The following CTNNA3 variants were observed in gnomAD, a reference collection of about 807,000 sequenced individuals.
The protein encoded by CTNNA3 is catenin alpha 3.
CTNNA3 carries 76 observed loss-of-function variants against 95.7 expected under a neutral mutation model. The observed-to-expected ratio is 0.79, with a 90% confidence interval of 0.66 to 0.96. CTNNA3 has a LOEUF of 0.96. CTNNA3 is among the 40% of genes least tolerant of loss of function. CTNNA3 has a pLI of 0.00. For missense variants in CTNNA3, 1,191 were observed against 1,089.8 expected (o/e 1.09, Z -1.31); for synonymous variants, 431 against 374.4 (o/e 1.15, Z -1.74).
intron 9 of CTNNA3, among the ~76,000 whole-genome samples, chr10:66,751,191 C>T (rs1839123450): frequency 6.6e-6 from 1 of 152,030 alleles, no homozygotes; most frequent in Non-Finnish European, 1.5e-5. Context: ...TCGCTTGAAC[C>T]CGGGAGGCAG....
chr10:66,456,484 C>A (rs1372493806), intron 11 of CTNNA3, among the ~76,000 whole-genome samples: 1 of 152,054 alleles, frequency 6.6e-6, no homozygotes, highest in African/African-American at 2.4e-5. Context: ...AGTTTGAGAC[C>A]AGCCTGGCCA....
At chr10:66,657,709 C>T (rs2394274) in intron 9 of CTNNA3, among the ~76,000 whole-genome samples, 100,314 of 152,048 alleles carry the variant, frequency 0.66, 33,987 homozygotes, top group East Asian at 0.95. Context: ...AATAGATTTC[C>T]ACCCATTTTT....
At chr10:66,164,004 A>G (rs955231151) in intron 13 of CTNNA3, among the ~76,000 whole-genome samples, 14 of 152,204 alleles carry the variant, frequency 9.2e-5, no homozygotes, top group Admixed American at 2.0e-4. Flanking sequence ...TAAAAGCAAC[A>G]TGGGAGAAAG....
At chr10:66,262,522 A>G (rs1181347305) in intron 13 of CTNNA3, among the ~76,000 whole-genome samples, 1 of 152,030 alleles carries the variant, frequency 6.6e-6, no homozygotes, top group Non-Finnish European at 1.5e-5. Context: ...AACTTAATGT[A>G]TGACTTATTG....
At chr10:66,887,724 T>A (rs1845098246) in intron 7 of CTNNA3, among the ~76,000 whole-genome samples, 1 of 152,164 alleles carries the variant, frequency 6.6e-6, no homozygotes, top group South Asian at 2.1e-4. Context: ...ATGGGTTTAA[T>A]CTGACTTACT....
intron 3 of CTNNA3, among the ~76,000 whole-genome samples, chr10:67,586,992 A>T (rs1842647406): frequency 6.6e-6 from 1 of 151,946 alleles, no homozygotes; most frequent in East Asian, 1.9e-4. Context: ...AATGTTTTTC[A>T]TGATGGTAAA....
intron 9 of CTNNA3, among the ~76,000 whole-genome samples, chr10:66,685,291 A>ATACG (rs1847232383): frequency 4.2e-5 from 3 of 70,620 alleles, no homozygotes; most frequent in African/African-American, 2.4e-4. Flanking sequence ...ATAAGTATAT[A>ATACG]TATGTGTGTA....
At chr10:66,911,233 A>G (rs1228626383) in intron 7 of CTNNA3, among the ~76,000 whole-genome samples, 1 of 152,234 alleles carries the variant, frequency 6.6e-6, no homozygotes, top group African/African-American at 2.4e-5. Context: ...GGAGGAACTT[A>G]AAAGAATTGT....
chr10:66,597,520 A>ATATATATATATC (rs1843754113), intron 10 of CTNNA3, among the ~76,000 whole-genome samples: 1 of 82,330 alleles, frequency 1.2e-5, no homozygotes, highest in African/African-American at 5.0e-5. Context: ...ACATATATAT[A>ATATATATATATC]TATATATATA....
At chr10:66,404,405 A>G (rs1349905062) in intron 11 of CTNNA3, among the ~76,000 whole-genome samples, 2 of 152,162 alleles carry the variant, frequency 1.3e-5, no homozygotes, top group Non-Finnish European at 2.9e-5. Flanking sequence ...TTGTTTGTGC[A>G]GCAGACAGAA....
At chr10:67,148,502 G>A (rs1417320828) in intron 7 of CTNNA3, among the ~76,000 whole-genome samples, 1 of 152,166 alleles carries the variant, frequency 6.6e-6, no homozygotes, top group Non-Finnish European at 1.5e-5. Context: ...GGTTAGGATG[G>A]AATGACTTTG....
intron 7 of CTNNA3, among the ~76,000 whole-genome samples, chr10:66,922,399 A>G (rs1307904950): frequency 6.6e-6 from 1 of 152,248 alleles, no homozygotes; most frequent in Non-Finnish European, 1.5e-5. Flanking sequence ...ATCTTTTAGA[A>G]CACAGTCTTT....
chr10:67,312,553 CATAA>C lies in CTNNA3; in HGVS notation c.580-92687_580-92684del, dbSNP rs1380288455. On this transcript the variant is annotated intron_variant, in intron 5 of 17. Transcript: ENST00000433211. ...AAATAGTTCAGTGCATCAAGGGAAT[CATAA>C]ATAGTCAATCTCGCTGGAAATAATA... is the stretch of plus-strand genomic sequence containing the variant. Among the ~76,000 whole-genome samples the C allele has an allele frequency of 5.3e-5, 8 of 152,234 alleles. No homozygotes were observed. In the East Asian group the frequency reaches 1.5e-3, roughly 29 times the overall value.
chr10:66,257,459 C>T (rs2090833354), intron 13 of CTNNA3, among the ~76,000 whole-genome samples: 1 of 152,166 alleles, frequency 6.6e-6, no homozygotes, highest in South Asian at 2.1e-4. Flanking sequence ...TGACTTAACA[C>T]AAAATTACAT....
At chr10:67,293,165 A>T (rs1268470239) in intron 5 of CTNNA3, among the ~76,000 whole-genome samples, 1 of 152,172 alleles carries the variant, frequency 6.6e-6, no homozygotes, top group Non-Finnish European at 1.5e-5. Context: ...AGCTTGATCA[A>T]GTAGACTTTC....
At position 67,403,024 on chromosome 10, in the gene CTNNA3, G is replaced by A. The variant is rs545479481; in HGVS notation, c.579+118818C>T. 9.1e-4 allele frequency among the ~76,000 whole-genome samples: 139 copies of A among 152,306 alleles called. 1 individual carries two copies. The highest frequency in any genetic ancestry group is 3.1e-3 in the African/African-American group (128 of 41,578). On this transcript the variant is annotated intron_variant, in intron 5 of 17. Transcript: ENST00000433211. Reference sequence around the variant, plus strand: ...AGCCAGCCACCAGCAACAGGGTAGTGCCTGCCTGAGATGGAATGGAGCTGC... The same window carrying A: ...AGCCAGCCACCAGCAACAGGGTAGTACCTGCCTGAGATGGAATGGAGCTGC...
intron 10 of CTNNA3, among the ~76,000 whole-genome samples, chr10:66,559,537 A>T (rs550315747): frequency 6.6e-6 from 1 of 151,320 alleles, no homozygotes; most frequent in East Asian, 1.9e-4. Context: ...ACACAGGAAC[A>T]CCCCCCACAC....
chr10:66,229,143 T>C lies in CTNNA3; in HGVS notation c.1884+51327A>G, dbSNP rs1248016388. Among the ~76,000 whole-genome samples the C allele has an allele frequency of 2.0e-5, 3 of 152,194 alleles. No individual in the cohort carries two copies. The East Asian group carries it at 5.8e-4, about 29-fold the overall frequency. On this transcript the variant is annotated intron_variant, in intron 13 of 17. Transcript: ENST00000433211. ...TTTAAACCATTTACCAAAGATTTTATTGAATGTTGAGAATTTACTCCTGTT... is the reference window on the plus strand; with the variant it reads ...TTTAAACCATTTACCAAAGATTTTACTGAATGTTGAGAATTTACTCCTGTT...
At chr10:66,992,428 C>T (rs1389769925) in intron 7 of CTNNA3, among the ~76,000 whole-genome samples, 1 of 151,932 alleles carries the variant, frequency 6.6e-6, no homozygotes, top group African/African-American at 2.4e-5. Flanking sequence ...CCTCTTTCTC[C>T]TTCTTCTTGT....
Sources: gnomAD v4.1 joint callset for allele counts (sites outside exome capture counted in the v4.1 genomes callset) on GRCh38, gnomAD v4.1.1 for gene constraint, MANE v1.5 for transcripts, NCBI Gene and HGNC (gene_info 2026-07-23, HGNC 2026-07-21) for gene names.